AGPS: variants seen among roughly 807,000 people sequenced by gnomAD.
The protein encoded by AGPS is alkyldihydroxyacetonephosphate synthase, peroxisomal.
Under a neutral mutation model 90.7 loss-of-function variants are expected in AGPS, and 26 were observed. The observed-to-expected ratio is 0.29, with a 90% CI of 0.21 to 0.40. The LOEUF is 0.40. Among genes scored for constraint, AGPS ranks in the 10% least tolerant of loss-of-function variants. The probability of loss-of-function intolerance (pLI) is 1.00; values close to 1 mark genes in which losing one functional copy is unlikely to be tolerated. For synonymous variants in AGPS, 294 were observed against 285.3 expected (o/e 1.03, Z -0.31); for missense variants, 540 against 816.1 (o/e 0.66, Z 4.12).
At chr2:177,508,303 G>A (rs1465746744) in intron 16 of AGPS, among the ~76,000 whole-genome samples, 2 of 152,132 alleles carry the variant, frequency 1.3e-5, no homozygotes, top group African/African-American at 2.4e-5. Context: ...TGAATGCTCA[G>A]TGTTACTATG....
At chr2:177,418,834 G>A (rs946800098) in intron 1 of AGPS, among the ~76,000 whole-genome samples, 1 of 151,644 alleles carries the variant, frequency 6.6e-6, no homozygotes, top group Non-Finnish European at 1.5e-5. Flanking sequence ...AAATGTGTGT[G>A]TCACTGGTAA....
At position 177,516,755 on chromosome 2, in the gene AGPS, G is replaced by A. The variant is rs919033191; in HGVS notation, c.1697+2847G>A. ...TTATGAATGTTAGTGATTCTCTTAT[G>A]AGTGATATATATTTTACTAATTTCT... On this transcript the variant is annotated intron_variant, in intron 17 of 19. Coordinates refer to ENST00000264167, the MANE Select transcript of AGPS (RefSeq NM_003659.4). Among the ~76,000 whole-genome samples, 19 of 152,204 alleles carry A rather than the reference G, an allele frequency of 1.2e-4. No homozygotes were observed. In the South Asian group the frequency reaches 1.7e-3, roughly 13 times the overall value.
At position 177,538,226 on chromosome 2, in the gene AGPS, A is replaced by C; in HGVS notation, c.*31A>C. On this transcript the variant is annotated 3_prime_UTR_variant, in exon 20 of 20. Coordinates refer to ENST00000264167, the MANE Select transcript of AGPS (RefSeq NM_003659.4). Reference sequence around the variant, plus strand: ...TTAGTACCATTACAAAAAAATGTCAATTTTTTTTTTAAGTTTTCAACTGTG... The same window carrying C: ...TTAGTACCATTACAAAAAAATGTCACTTTTTTTTTTAAGTTTTCAACTGTG... 2 of 1,544,958 alleles carry C rather than the reference A, an allele frequency of 1.3e-6. No homozygotes were observed. Among genetic ancestry groups the C allele is most frequent in the Non-Finnish European group, 1.8e-6 (2 of 1,127,366 alleles).
chr2:177,402,565 C>T (rs1325620152), intron 1 of AGPS, among the ~76,000 whole-genome samples: 1 of 152,104 alleles, frequency 6.6e-6, no homozygotes, highest in Admixed American at 6.5e-5. Flanking sequence ...TTTTGGGGAT[C>T]TTTTCTTTTT....
intron 1 of AGPS, among the ~76,000 whole-genome samples, chr2:177,407,061 CAT>C (rs1685487171): frequency 6.6e-6 from 1 of 152,154 alleles, no homozygotes; most frequent in East Asian, 1.9e-4. Context: ...GCCAGACAGT[CAT>C]GGTTTAAATC....
At chr2:177,452,798 T>G (rs1215046568) in intron 8 of AGPS, among the ~76,000 whole-genome samples, 1 of 152,170 alleles carries the variant, frequency 6.6e-6, no homozygotes, top group Non-Finnish European at 1.5e-5. Flanking sequence ...TGATATGCTT[T>G]ATCTCTTTAG....
At chr2:177,510,767 A>G (rs1666728492) in intron 16 of AGPS, among the ~76,000 whole-genome samples, 1 of 152,212 alleles carries the variant, frequency 6.6e-6, no homozygotes, top group South Asian at 2.1e-4. Flanking sequence ...GTTGACAACC[A>G]TTTAGCAATT....
chr2:177,534,110 G>A (rs758038020), intron 19 of AGPS, among the ~76,000 whole-genome samples: 4 of 152,160 alleles, frequency 2.6e-5, no homozygotes, highest in South Asian at 2.1e-4. Flanking sequence ...ACCAGCAGAC[G>A]CTGGATTTAT....
At chr2:177,523,673 G>T in intron 18 of AGPS, 75 bp from the exon 19 acceptor site, 1 of 1,232,544 alleles carries the variant, frequency 8.1e-7, no homozygotes, top group South Asian at 1.2e-5. Context: ...GCCTTCTTTG[G>T]GAGTTGGGTC....
chr2:177,512,827 A>G (rs1181480412), intron 16 of AGPS, among the ~76,000 whole-genome samples: 2 of 152,200 alleles, frequency 1.3e-5, no homozygotes, highest in African/African-American at 4.8e-5. Context: ...GCTATCGAAC[A>G]TTTGATATAA....
intron 8 of AGPS, among the ~76,000 whole-genome samples, chr2:177,458,677 A>G (rs1438588663): frequency 1.3e-5 from 2 of 152,244 alleles, no homozygotes; most frequent in Non-Finnish European, 2.9e-5. Flanking sequence ...ATAAGAGAGA[A>G]CACAAACAAA....
chr2:177,445,695 TA>T, intron 8 of AGPS, 69 bp downstream of exon 8: 1 of 1,133,264 alleles, frequency 8.8e-7, no homozygotes. Flanking sequence ...GTTATTTCTT[TA>T]ATGAAAGTTT....
At chr2:177,442,332 T>C (rs1204351488) in intron 6 of AGPS, 75 bp from the exon 7 acceptor site, 8 of 1,124,472 alleles carry the variant, frequency 7.1e-6, no homozygotes, top group African/African-American at 1.5e-5. Context: ...ATACTTGATA[T>C]GAGGGATTTG....
chr2:177,433,631 T>A (rs529526243), intron 2 of AGPS, among the ~76,000 whole-genome samples: 30 of 152,324 alleles, frequency 2.0e-4, no homozygotes, highest in Middle Eastern at 3.4e-3. Flanking sequence ...GTACATGATA[T>A]GATGTAGGAG....
rs56895184 is a variant in AGPS, at chr2:177,461,748, C to CT, written c.871-129dup. On this transcript the variant is annotated intron_variant, in intron 8 of 19. Transcript: ENST00000264167. Reference sequence around the variant, plus strand: ...TTTAGGACTAGTGTGATAAAAGTATCTTTTTTTTTTTTTTTTGCTATGTAG... The same window carrying CT: ...TTTAGGACTAGTGTGATAAAAGTATCTTTTTTTTTTTTTTTTTGCTATGTAG... The CT allele has an allele frequency of 0.04, 18,466 of 466,838 alleles. 363 individuals are homozygous for CT. The highest frequency in any genetic ancestry group is 0.15 in the Admixed American group (3,429 of 23,636). The allele number at this position is 466,838 out of a possible 1,614,324, so 28.9% of individuals were successfully genotyped here.
intron 19 of AGPS, among the ~76,000 whole-genome samples, chr2:177,533,731 C>T (rs1191829685): frequency 1.3e-5 from 2 of 152,148 alleles, no homozygotes; most frequent in Non-Finnish European, 2.9e-5. Flanking sequence ...TGGTTGTCCC[C>T]TCTAACACTA....
At chr2:177,408,047 G>A (rs1328094299) in intron 1 of AGPS, among the ~76,000 whole-genome samples, 6 of 152,098 alleles carry the variant, frequency 3.9e-5, no homozygotes, top group African/African-American at 1.4e-4. Flanking sequence ...CTCCTGAGTC[G>A]CTGGGATTAT....
intron 7 of AGPS, among the ~76,000 whole-genome samples, chr2:177,445,200 A>G (rs1273932832): frequency 6.6e-6 from 1 of 152,222 alleles, no homozygotes; most frequent in Admixed American, 6.5e-5. Flanking sequence ...ATTGTAGCCA[A>G]CACTTTATGT....
At chr2:177,498,250 C>T (rs1482820074) in intron 13 of AGPS, among the ~76,000 whole-genome samples, 1 of 151,700 alleles carries the variant, frequency 6.6e-6, no homozygotes, top group African/African-American at 2.4e-5. Flanking sequence ...TTTGAAGCTC[C>T]AATGAGACTG....
Sources: gnomAD v4.1 joint callset for allele counts (sites outside exome capture counted in the v4.1 genomes callset) on GRCh38, gnomAD v4.1.1 for gene constraint, MANE v1.5 for transcripts, NCBI Gene and HGNC (gene_info 2026-07-23, HGNC 2026-07-21) for gene names.